MLLT3: variants seen among roughly 807,000 people sequenced by gnomAD.
The protein encoded by MLLT3 is MLLT3 super elongation complex subunit, also known as protein AF-9.
In MLLT3, 4 loss-of-function variants were observed where a neutral mutation model predicts 53.2. That is an observed-to-expected ratio of 0.08 (90% CI 0.04 to 0.17). The LOEUF (loss-of-function observed/expected upper bound fraction) is 0.17, where lower values mean the gene tolerates loss of function less well. Ranked by LOEUF, MLLT3 falls within the 10% of genes least tolerant of loss-of-function variation. The probability of loss-of-function intolerance (pLI) is 1.00; values close to 1 mark genes in which losing one functional copy is unlikely to be tolerated. For synonymous variants in MLLT3, 283 were observed against 230.6 expected (o/e 1.23, Z -2.06); for missense variants, 569 against 684.0 (o/e 0.83, Z 1.87).
chr9:20,351,254 G>A lies in MLLT3; in HGVS notation c.1575+2271C>T, dbSNP rs574163458. ...CTGCAGACAATTCGAAAAGAATGAC[G>A]GCTGGCTTCTAAATTGCTAAACTAC... is the stretch of plus-strand genomic sequence containing the variant. On this transcript the variant is annotated intron_variant, in intron 10 of 10. Coordinates refer to ENST00000380338, the MANE Select transcript of MLLT3 (RefSeq NM_004529.4). Among the ~76,000 whole-genome samples the A allele has an allele frequency of 5.3e-5, 8 of 152,264 alleles. No homozygotes were observed. In the South Asian group the frequency reaches 6.2e-4, roughly 12 times the overall value.
At chr9:20,524,968 A>G (rs1330938536) in intron 2 of MLLT3, among the ~76,000 whole-genome samples, 1 of 152,114 alleles carries the variant, frequency 6.6e-6, no homozygotes, top group Non-Finnish European at 1.5e-5. Context: ...GGGCGCTACA[A>G]CATCCTCAGC....
chr9:20,366,700 C>T (rs1478395820), intron 5 of MLLT3, among the ~76,000 whole-genome samples: 1 of 152,208 alleles, frequency 6.6e-6, no homozygotes, highest in African/African-American at 2.4e-5. Context: ...TCCTCTCCAG[C>T]ATCTGTTGTT....
intron 2 of MLLT3, among the ~76,000 whole-genome samples, chr9:20,551,717 C>CTT (rs1818930653): frequency 6.6e-6 from 1 of 152,208 alleles, no homozygotes; most frequent in Admixed American, 6.5e-5. Context: ...ATACTTAAAT[C>CTT]AACTTCCATA....
intron 5 of MLLT3, among the ~76,000 whole-genome samples, chr9:20,398,048 A>C (rs533914135): frequency 5.9e-5 from 9 of 152,020 alleles, no homozygotes; most frequent in Admixed American, 5.9e-4. Context: ...TTAGAAACTT[A>C]TATCTTTTGC....
chr9:20,353,121 A>G (rs2118605848), intron 10 of MLLT3, among the ~76,000 whole-genome samples: 1 of 152,308 alleles, frequency 6.6e-6, no homozygotes, highest in Non-Finnish European at 1.5e-5. Context: ...AAGGTTACTA[A>G]ATTGAATCAC....
At chr9:20,350,447 T>C (rs1440395719) in intron 10 of MLLT3, among the ~76,000 whole-genome samples, 1 of 151,038 alleles carries the variant, frequency 6.6e-6, no homozygotes, top group African/African-American at 2.4e-5. Flanking sequence ...TACAAAAAAT[T>C]AGCCGGGCGT....
chr9:20,524,108 A>G (rs1014264898), intron 2 of MLLT3, among the ~76,000 whole-genome samples: 3 of 152,080 alleles, frequency 2.0e-5, no homozygotes, highest in African/African-American at 7.2e-5. Flanking sequence ...TGATTCTATA[A>G]TGGTGGATAG....
Position 20,413,936 on chromosome 9 carries a change from C to G in MLLT3, c.910G>C (p.Glu304Gln), listed in dbSNP as rs1313522445. ...CTAGAAAAACTTTTAAATAAAGCCT[C>G]TGAGCTACTCTTTTTCCTTTTTTTG... ...SAKKRKKSSS[E>Q]ALFKSFSSAP... is the part of the protein sequence containing the mutation. The change falls in exon 5 of 11, where the codon GAG (glutamate) becomes CAG (glutamine). Residue 304 changes from glutamate to glutamine, a missense_variant. Coordinates refer to ENST00000380338, the MANE Select transcript of MLLT3 (RefSeq NM_004529.4). 2.5e-6 allele frequency: 4 copies of G among 1,613,522 alleles called. No homozygotes were observed. Among genetic ancestry groups the G allele is most frequent in the Non-Finnish European group, 3.4e-6 (4 of 1,179,942 alleles).
chr9:20,376,179 G>T (rs1019383187), intron 5 of MLLT3, among the ~76,000 whole-genome samples: 2 of 152,092 alleles, frequency 1.3e-5, no homozygotes, highest in Non-Finnish European at 2.9e-5. Context: ...ACACTAGAGT[G>T]CAACCTTTAT....
At chr9:20,367,042 A>C (rs1475403343) in intron 5 of MLLT3, among the ~76,000 whole-genome samples, 2 of 152,256 alleles carry the variant, frequency 1.3e-5, no homozygotes, top group Non-Finnish European at 2.9e-5. Flanking sequence ...AATGGAGGCC[A>C]ATATTCATAA....
intron 5 of MLLT3, among the ~76,000 whole-genome samples, chr9:20,388,762 G>A (rs1267181430): frequency 6.6e-6 from 1 of 152,130 alleles, no homozygotes; most frequent in East Asian, 1.9e-4. Flanking sequence ...TTGGGAAAAA[G>A]AGTGATGTCA....
At chr9:20,604,436 TGAA>T (rs1820513619) in intron 2 of MLLT3, among the ~76,000 whole-genome samples, 1 of 152,090 alleles carries the variant, frequency 6.6e-6, no homozygotes, top group Non-Finnish European at 1.5e-5. Context: ...CAGTCTAAGC[TGAA>T]GTTTTTAAAT....
intron 2 of MLLT3, among the ~76,000 whole-genome samples, chr9:20,543,761 A>AAGG (rs956100771): frequency 6.6e-6 from 1 of 151,304 alleles, no homozygotes; most frequent in African/African-American, 2.4e-5. Flanking sequence ...AAGGAAGGAA[A>AAGG]AGGAGGAGGA....
chr9:20,400,022 G>A (rs141564544), intron 5 of MLLT3, among the ~76,000 whole-genome samples: 1 of 150,490 alleles, frequency 6.6e-6, no homozygotes, highest in Non-Finnish European at 1.5e-5. Flanking sequence ...ACAGCAATGA[G>A]CATCAATGGT....
intron 2 of MLLT3, among the ~76,000 whole-genome samples, chr9:20,569,997 C>G (rs376890458): frequency 6.6e-6 from 1 of 152,180 alleles, no homozygotes. Flanking sequence ...TCCACTCTGA[C>G]AACACAACAG....
chr9:20,576,125 C>A (rs563747603), intron 2 of MLLT3, among the ~76,000 whole-genome samples: 1 of 152,276 alleles, frequency 6.6e-6, no homozygotes, highest in African/African-American at 2.4e-5. Context: ...AAGATGGTTT[C>A]TTTCCTTAAA....
chr9:20,498,321 T>G (rs1825134253), intron 2 of MLLT3, among the ~76,000 whole-genome samples: 1 of 151,270 alleles, frequency 6.6e-6, no homozygotes, highest in African/African-American at 2.4e-5. Flanking sequence ...TCTTTTAAAT[T>G]TTAGCCATTC....
At chr9:20,368,204 A>C (rs1821505981) in intron 5 of MLLT3, among the ~76,000 whole-genome samples, 1 of 152,196 alleles carries the variant, frequency 6.6e-6, no homozygotes, top group South Asian at 2.1e-4. Context: ...TGGCTCTTCT[A>C]CTGTTGAGCC....
At chr9:20,374,894 G>C (rs1821717106) in intron 5 of MLLT3, among the ~76,000 whole-genome samples, 1 of 152,142 alleles carries the variant, frequency 6.6e-6, no homozygotes, top group Non-Finnish European at 1.5e-5. Flanking sequence ...TTTGAAGATG[G>C]GACCTTTGCA....
Sources: gnomAD v4.1 joint callset for allele counts (sites outside exome capture counted in the v4.1 genomes callset) on GRCh38, gnomAD v4.1.1 for gene constraint, MANE v1.5 for transcripts, NCBI Gene and HGNC (gene_info 2026-07-23, HGNC 2026-07-21) for gene names.